PAPPA: variants seen among roughly 807,000 people sequenced by gnomAD.
The protein encoded by PAPPA is pappalysin 1, also known as pappalysin-1.
In PAPPA, 60 loss-of-function variants were observed where a neutral mutation model predicts 164.0. The ratio of observed to expected loss-of-function variants is 0.37; its 90% CI spans 0.30 to 0.45. The LOEUF (loss-of-function observed/expected upper bound fraction) is 0.45. Among genes scored for constraint, PAPPA ranks in the 20% least tolerant of loss-of-function variants. The pLI is 1.00. For synonymous variants in PAPPA, 875 were observed against 814.1 expected (o/e 1.07, Z -1.27); for missense variants, 1,782 against 2,087.3 (o/e 0.85, Z 2.85).
chr9:116,298,801 G>A (rs1845542893), intron 9 of PAPPA, among the ~76,000 whole-genome samples: 1 of 152,200 alleles, frequency 6.6e-6, no homozygotes, highest in Non-Finnish European at 1.5e-5. Flanking sequence ...CCCTCACAGT[G>A]AAATTTACTG....
At chr9:116,205,282 C>T (rs1245259644) in intron 2 of PAPPA, among the ~76,000 whole-genome samples, 1 of 152,160 alleles carries the variant, frequency 6.6e-6, no homozygotes, top group Non-Finnish European at 1.5e-5. Context: ...AGATTGGCTT[C>T]TGCAATTACC....
In PAPPA at chr9:116,289,325, G is replaced by GCATATATATGC. The variant is rs1554748540; in HGVS notation, c.2954-13423_2954-13422insGCCATATATAT. ...ATAGCATATATATGGCATATATATG[G>GCATATATATGC]CATATATATAGCATATATATGGCAT... On this transcript the variant is annotated intron_variant, in intron 9 of 21. Coordinates refer to ENST00000328252, the MANE Select transcript of PAPPA (RefSeq NM_002581.5). Among the ~76,000 whole-genome samples, 20 of 70,350 alleles carry GCATATATATGC rather than the reference G, an allele frequency of 2.8e-4. 1 individual carries two copies. The highest frequency in any genetic ancestry group is 7.1e-3 in the Middle Eastern group (1 of 140). The allele number at this position is 70,350 out of a possible 152,430, so 46.2% of individuals were successfully genotyped here.
At chr9:116,380,274 G>A (rs1365972467) in intron 20 of PAPPA, among the ~76,000 whole-genome samples, 1 of 151,028 alleles carries the variant, frequency 6.6e-6, no homozygotes, top group East Asian at 1.9e-4. Flanking sequence ...AAATACATAG[G>A]ATGGAATAAG....
At chr9:116,344,784 T>G in intron 14 of PAPPA, 73 bp downstream of exon 14, 2 of 1,348,794 alleles carry the variant, frequency 1.5e-6, no homozygotes, top group Non-Finnish European at 2.1e-6. Flanking sequence ...CCATGTTCTC[T>G]GCTAAATACC....
intron 9 of PAPPA, among the ~76,000 whole-genome samples, chr9:116,300,120 A>G (rs1845561152): frequency 1.3e-5 from 2 of 152,096 alleles, no homozygotes; most frequent in Admixed American, 1.3e-4. Context: ...CCACATTCAC[A>G]TGAGGTTGGA....
intron 4 of PAPPA, among the ~76,000 whole-genome samples, chr9:116,214,874 C>G (rs1173225490): frequency 6.6e-6 from 1 of 152,126 alleles, no homozygotes; most frequent in Non-Finnish European, 1.5e-5. Flanking sequence ...AGCAATTCCA[C>G]TTCTAAGGAA....
chr9:116,219,447 G>A (rs1000080931), intron 4 of PAPPA, among the ~76,000 whole-genome samples: 16 of 152,210 alleles, frequency 1.1e-4, no homozygotes, highest in Non-Finnish European at 2.4e-4. Flanking sequence ...ATGAATGAGT[G>A]GATGAAAGAA....
chr9:116,345,899 A>G (rs1193145981), intron 14 of PAPPA, among the ~76,000 whole-genome samples: 1 of 152,090 alleles, frequency 6.6e-6, no homozygotes, highest in African/African-American at 2.4e-5. Flanking sequence ...TAAATGTAGC[A>G]TTTTCCAGGG....
intron 7 of PAPPA, among the ~76,000 whole-genome samples, chr9:116,244,025 G>A (rs753488369): frequency 1.3e-5 from 2 of 152,108 alleles, no homozygotes; most frequent in African/African-American, 2.4e-5. Context: ...ATCTCACTCT[G>A]GTTCTGGAAA....
At chr9:116,331,034 A>G (rs997445622) in intron 10 of PAPPA, among the ~76,000 whole-genome samples, 4 of 152,096 alleles carry the variant, frequency 2.6e-5, no homozygotes, top group African/African-American at 4.8e-5. Flanking sequence ...CCATCAAAAT[A>G]TGTTATCTAT....
At chr9:116,315,171 A>G (rs1845772529) in intron 10 of PAPPA, among the ~76,000 whole-genome samples, 2 of 152,232 alleles carry the variant, frequency 1.3e-5, no homozygotes, top group Non-Finnish European at 2.9e-5. Context: ...TGTTAATACC[A>G]TAGGTGATCA....
intron 1 of PAPPA, among the ~76,000 whole-genome samples, chr9:116,166,014 T>C (rs952973949): frequency 6.6e-6 from 1 of 152,220 alleles, no homozygotes; most frequent in African/African-American, 2.4e-5. Context: ...TGTATTTTTG[T>C]TTAATAAATG....
chr9:116,300,569 G>A lies in PAPPA; in HGVS notation c.2954-2188G>A, dbSNP rs572564653. Among the ~76,000 whole-genome samples the A allele has an allele frequency of 2.9e-3, 436 of 152,278 alleles. 2 individuals are homozygous for A. Among genetic ancestry groups the A allele is most frequent in the Non-Finnish European group, 4.8e-3 (329 of 68,020 alleles). On this transcript the variant is annotated intron_variant, in intron 9 of 21. Transcript: ENST00000328252. ...ATTACAGGCATGAGCCACTGTGCCC[G>A]GCCCTATTTGGGCTCTTTTGATAGT...
In PAPPA at chr9:116,213,594, C is replaced by A. The variant is rs549698139; in HGVS notation, c.1918+1662C>A. ...AACACACATGGAAAATAAACAATAA[C>A]ATAAGTTTGGAAGTTTGCCGGCCTC... On this transcript the variant is annotated intron_variant, in intron 4 of 21. Coordinates refer to ENST00000328252, the MANE Select transcript of PAPPA (RefSeq NM_002581.5). Among the ~76,000 whole-genome samples, 4 of 152,210 alleles carry A rather than the reference C, an allele frequency of 2.6e-5. No homozygotes were observed. The East Asian group carries it at 7.7e-4, about 29-fold the overall frequency.
chr9:116,364,317 G>C (rs1846470509), intron 18 of PAPPA, among the ~76,000 whole-genome samples: 1 of 152,052 alleles, frequency 6.6e-6, no homozygotes, highest in South Asian at 2.1e-4. Context: ...TGACCTTTAG[G>C]GAAAACCTAC....
At position 116,235,490 on chromosome 9, in the gene PAPPA, T is replaced by A. The variant is rs1218693490; in HGVS notation, c.2585T>A (p.Leu862Gln). The A allele has an allele frequency of 6.2e-7, 1 of 1,613,454 alleles. No homozygotes were observed. The highest frequency in any genetic ancestry group is 8.5e-7 in the Non-Finnish European group (1 of 1,179,916). ...CAAATCTACACGCTGGATGAGCACC[T>A]GGAGATCGATGCTGCCATGTTGACC... ...GIQIYTLDEHLEIDAAMLTST... is the reference protein window; with the variant it reads ...GIQIYTLDEHQEIDAAMLTST... Residue 862 changes from leucine to glutamine, a missense_variant, in exon 7 of 22, where the codon CTG becomes CAG. This residue lies in a region of PAPPA where 1,324 missense variants were observed against 1,656.9 expected (regional missense o/e 0.80). Coordinates refer to ENST00000328252, the MANE Select transcript of PAPPA (RefSeq NM_002581.5).
intron 9 of PAPPA, among the ~76,000 whole-genome samples, chr9:116,295,550 T>C (rs1166378454): frequency 1.4e-5 from 1 of 70,958 alleles, no homozygotes; most frequent in Non-Finnish European, 2.8e-5. Flanking sequence ...CGAGACTCGG[T>C]CTCAAAAAAA....
intron 8 of PAPPA, among the ~76,000 whole-genome samples, chr9:116,269,866 G>A (rs939960514): frequency 6.6e-6 from 1 of 152,202 alleles, no homozygotes; most frequent in African/African-American, 2.4e-5. Flanking sequence ...AGACAATGCT[G>A]AGACCAGCTA....
At chr9:116,173,353 A>G (rs1180283619) in intron 1 of PAPPA, among the ~76,000 whole-genome samples, 1 of 152,092 alleles carries the variant, frequency 6.6e-6, no homozygotes, top group Non-Finnish European at 1.5e-5. Context: ...AGGCTAAATG[A>G]CTCCAGATTG....
Sources: allele counts gnomAD v4.1 joint callset (sites outside exome capture counted in the v4.1 genomes callset), GRCh38; gene constraint gnomAD v4.1.1; regional missense constraint gnomAD v4.1.1; transcripts MANE v1.5; gene names NCBI Gene and HGNC (gene_info 2026-07-23, HGNC 2026-07-21).